DOK6: variants seen among roughly 807,000 people sequenced by gnomAD.
DOK6 encodes downstream of tyrosine kinase 6.
Under a neutral mutation model 44.0 loss-of-function variants are expected in DOK6, and 22 were observed. The ratio of observed to expected loss-of-function variants is 0.50; its 90% CI spans 0.36 to 0.71. The LOEUF is 0.71. DOK6 is among the 30% of genes least tolerant of loss of function. The pLI, the probability that DOK6 is intolerant of heterozygous loss-of-function variation, is 0.00. For missense variants in DOK6, 340 were observed against 416.4 expected, an observed-to-expected ratio of 0.82 and a Z score of 1.60; for synonymous variants, 166 against 145.5, an observed-to-expected ratio of 1.14 and a Z score of -1.01.
At chr18:69,565,403 G>A (rs1259684798) in intron 2 of DOK6, among the ~76,000 whole-genome samples, 1 of 150,414 alleles carries the variant, frequency 6.6e-6, no homozygotes, top group Non-Finnish European at 1.5e-5. Flanking sequence ...ATTATTATTA[G>A]TTATGAATAT....
At chr18:69,662,640 C>T (rs1985558944) in intron 3 of DOK6, 1 of 152,090 alleles carries the variant, frequency 6.6e-6, no homozygotes, top group East Asian at 1.9e-4. Context: ...TTTAATGAAC[C>T]AAAGCAAGTT....
Position 69,625,663 on chromosome 18 carries a change from A to G in DOK6, c.289+26165A>G, listed in dbSNP as rs538873163. Among the ~76,000 whole-genome samples, 9 of 152,310 alleles carry G rather than the reference A, an allele frequency of 5.9e-5. 1 individual carries two copies. In the South Asian group the frequency reaches 1.0e-3, roughly 18 times the overall value. ...TCTTAATTGCTTCAGAAAATACACAAATCATTTAAGTATTTCCCATGTCAG... is the reference window on the plus strand; with the variant it reads ...TCTTAATTGCTTCAGAAAATACACAGATCATTTAAGTATTTCCCATGTCAG... On this transcript the variant is annotated intron_variant, in intron 3 of 7. Coordinates refer to ENST00000382713, the MANE Select transcript of DOK6 (RefSeq NM_152721.6).
rs1039802111 is a variant in DOK6, at chr18:69,620,611, A to G, written c.289+21113A>G. On this transcript the variant is annotated intron_variant, in intron 3 of 7. Coordinates refer to ENST00000382713, the MANE Select transcript of DOK6 (RefSeq NM_152721.6). ...CCCTTACGTGAATGGGGCCATAGCA[A>G]TCCCACCTCATGGGTTTGAAAGGAA... Among the ~76,000 whole-genome samples the G allele has an allele frequency of 2.0e-5, 3 of 152,298 alleles. 1 individual carries two copies. Among genetic ancestry groups the G allele is most frequent in the Admixed American group, 1.3e-4 (2 of 15,300 alleles).
chr18:69,611,448 C>T (rs1297879423), intron 3 of DOK6, among the ~76,000 whole-genome samples: 1 of 151,654 alleles, frequency 6.6e-6, no homozygotes, highest in African/African-American at 2.4e-5. Flanking sequence ...CTAGAAATTA[C>T]ACTCTTAGGC....
intron 1 of DOK6, among the ~76,000 whole-genome samples, chr18:69,508,002 T>G (rs377309813): frequency 6.6e-6 from 1 of 152,070 alleles, no homozygotes; most frequent in African/African-American, 2.4e-5. Flanking sequence ...TAATTATAGG[T>G]TTTTTATAGA....
intron 3 of DOK6, among the ~76,000 whole-genome samples, chr18:69,606,038 G>A (rs930368169): frequency 1.3e-5 from 2 of 152,094 alleles, no homozygotes; most frequent in South Asian, 2.1e-4. Flanking sequence ...TTGGGAGGCC[G>A]AGGCAGGCAA....
chr18:69,488,032 A>G (rs1980632118), intron 1 of DOK6, among the ~76,000 whole-genome samples: 1 of 152,122 alleles, frequency 6.6e-6, no homozygotes, highest in Non-Finnish European at 1.5e-5. Flanking sequence ...TCTCACAGTA[A>G]TGGGAGGTAG....
intron 3 of DOK6, among the ~76,000 whole-genome samples, chr18:69,664,860 C>T (rs1053169222): frequency 3.3e-5 from 5 of 152,186 alleles, no homozygotes; most frequent in Non-Finnish European, 7.3e-5. Flanking sequence ...CATGCTTCTG[C>T]TCACTGAACA....
At chr18:69,547,434 A>G (rs1198672795) in intron 1 of DOK6, among the ~76,000 whole-genome samples, 2 of 151,262 alleles carry the variant, frequency 1.3e-5, no homozygotes, top group Non-Finnish European at 3.0e-5. Context: ...TCTCAGGAGA[A>G]TTCATTCACT....
At position 69,643,042 on chromosome 18, in the gene DOK6, T is replaced by C. The variant is rs1466492918; in HGVS notation, c.290-34692T>C. On this transcript the variant is annotated intron_variant, in intron 3 of 7. Coordinates refer to ENST00000382713, the MANE Select transcript of DOK6 (RefSeq NM_152721.6). ...GAGGAAAAGCTCTTTACATACTTTGTTTCCCAATCTTTGTATCATTATGGC... is the reference window on the plus strand; with the variant it reads ...GAGGAAAAGCTCTTTACATACTTTGCTTCCCAATCTTTGTATCATTATGGC... Among the ~76,000 whole-genome samples, 3 of 152,338 alleles carry C rather than the reference T, an allele frequency of 2.0e-5. No homozygotes were observed. The South Asian group carries it at 6.2e-4, about 32-fold the overall frequency.
At chr18:69,539,173 C>A (rs1395126170) in intron 1 of DOK6, among the ~76,000 whole-genome samples, 1 of 152,102 alleles carries the variant, frequency 6.6e-6, no homozygotes, top group Non-Finnish European at 1.5e-5. Flanking sequence ...ATCATGAATT[C>A]TTCATTGGTT....
chr18:69,684,710 A>G (rs1986113903), intron 4 of DOK6, among the ~76,000 whole-genome samples: 1 of 152,216 alleles, frequency 6.6e-6, no homozygotes, highest in African/African-American at 2.4e-5. Context: ...GGTTTCTTCA[A>G]AAGAAGACTA....
chr18:69,690,492 T>G (rs1599265037), intron 4 of DOK6, among the ~76,000 whole-genome samples: 2 of 152,334 alleles, frequency 1.3e-5, no homozygotes, highest in East Asian at 3.9e-4. Context: ...TTTCAGCTTC[T>G]AAAGCTGCTA....
chr18:69,544,760 T>G (rs1982357663), intron 1 of DOK6, among the ~76,000 whole-genome samples: 1 of 151,582 alleles, frequency 6.6e-6, no homozygotes, highest in Non-Finnish European at 1.5e-5. Flanking sequence ...TTCACCTCTA[T>G]GGCTGATTGA....
intron 7 of DOK6, among the ~76,000 whole-genome samples, chr18:69,830,651 A>G (rs1197878900): frequency 3.9e-5 from 6 of 152,188 alleles, no homozygotes; most frequent in Non-Finnish European, 7.3e-5. Context: ...ACTAAGACAT[A>G]GCTTTACCTG....
intron 1 of DOK6, among the ~76,000 whole-genome samples, chr18:69,548,243 G>A (rs1173535966): frequency 2.6e-5 from 4 of 151,386 alleles, no homozygotes; most frequent in East Asian, 1.9e-4. Context: ...GTGAGCCACC[G>A]CGCCTGCCCT....
chr18:69,459,227 G>A (rs911364837), intron 1 of DOK6, among the ~76,000 whole-genome samples: 1 of 141,494 alleles, frequency 7.1e-6, no homozygotes, highest in African/African-American at 2.5e-5. Context: ...GTGTGTGTGT[G>A]TGTGTGAAGG....
chr18:69,479,292 T>C (rs761357946), intron 1 of DOK6, among the ~76,000 whole-genome samples: 1 of 151,968 alleles, frequency 6.6e-6, no homozygotes, highest in Non-Finnish European at 1.5e-5. Flanking sequence ...CAAGGAAGGG[T>C]TCTTAGGTGA....
intron 1 of DOK6, among the ~76,000 whole-genome samples, chr18:69,531,259 CAT>C (rs201275955): frequency 0.017 from 2,416 of 145,800 alleles, 62 homozygotes; most frequent in African/African-American, 0.05. Context: ...TATATACTTA[CAT>C]ATATATATAT....
Sources: gnomAD v4.1 joint callset for allele counts (sites outside exome capture counted in the v4.1 genomes callset) on GRCh38, gnomAD v4.1.1 for gene constraint, MANE v1.5 for transcripts, NCBI Gene and HGNC (gene_info 2026-07-23, HGNC 2026-07-21) for gene names.